The following NBAS variants were observed in gnomAD, a reference collection of about 807,000 sequenced individuals.
NBAS encodes NAG/BC035112 fusion.
NBAS carries 219 observed loss-of-function variants against 302.5 expected under a neutral mutation model. The observed-to-expected ratio is 0.72, with a 90% CI of 0.65 to 0.81. NBAS has a LOEUF of 0.81. Among genes scored for constraint, NBAS ranks in the 30% least tolerant of loss-of-function variants. NBAS has a pLI of 0.00. For missense variants in NBAS, 2,932 were observed against 2,841.6 expected, an observed-to-expected ratio of 1.03 and a Z score of -0.72; for synonymous variants, 1,118 against 1,021.6, an observed-to-expected ratio of 1.09 and a Z score of -1.80.
intron 36 of NBAS, 148 bp from the exon 37 acceptor site, chr2:15,328,460 A>G: frequency 1.4e-6 from 1 of 698,366 alleles, no homozygotes; most frequent in Non-Finnish European, 2.5e-6. Flanking sequence ...ATTTCCCACG[A>G]CCTAAAAAGA....
At chr2:14,984,213 A>G in the NBAS span, among the ~76,000 whole-genome samples, 34 of 152,074 alleles carry the variant, frequency 2.2e-4, 1 homozygote, top group Admixed American at 2.2e-3. Flanking sequence ...TCTTTTCTCT[A>G]GTTTCATCCT....
chr2:14,979,121 T>G, the NBAS span, among the ~76,000 whole-genome samples: 1 of 152,224 alleles, frequency 6.6e-6, no homozygotes, highest in Non-Finnish European at 1.5e-5. Flanking sequence ...ATTTCATTTT[T>G]GCTTATAAAA....
At chr2:15,120,008 C>T in the NBAS span, among the ~76,000 whole-genome samples, 4 of 152,132 alleles carry the variant, frequency 2.6e-5, no homozygotes, top group Non-Finnish European at 4.4e-5. Flanking sequence ...ACCAGTGACC[C>T]CGGCAGGTGG....
chr2:15,553,871 C>CCT (rs1295299264), intron 4 of NBAS, among the ~76,000 whole-genome samples, 190 bp downstream of exon 4: 1 of 33,744 alleles, frequency 3.0e-5, no homozygotes, highest in South Asian at 9.0e-4. Flanking sequence ...TCCCTCTCTC[C>CCT]CTCTCTCTCT....
chr2:15,011,068 T>C, the NBAS span, among the ~76,000 whole-genome samples: 700 of 152,354 alleles, frequency 4.6e-3, 8 homozygotes, highest in African/African-American at 0.016. Context: ...GTCATCCAAT[T>C]GTTGCGGTAT....
the NBAS span, among the ~76,000 whole-genome samples, chr2:15,156,086 CA>C: frequency 6.6e-6 from 1 of 152,244 alleles, no homozygotes; most frequent in South Asian, 2.1e-4. Flanking sequence ...ATTTCCTGCC[CA>C]AAAAATGTTG....
intron 21 of NBAS, among the ~76,000 whole-genome samples, chr2:15,438,673 C>A (rs1299740358): frequency 1.3e-5 from 2 of 152,206 alleles, no homozygotes; most frequent in African/African-American, 2.4e-5. Context: ...CAGAGCCTGG[C>A]AGGCCTTCTG....
chr2:15,075,286 G>A, the NBAS span, among the ~76,000 whole-genome samples: 1 of 152,184 alleles, frequency 6.6e-6, no homozygotes, highest in Non-Finnish European at 1.5e-5. Flanking sequence ...ATGTGCTGCA[G>A]ATCCATTCTC....
chr2:15,256,394 T>A (rs1255389536), intron 44 of NBAS, among the ~76,000 whole-genome samples: 3 of 152,208 alleles, frequency 2.0e-5, no homozygotes, highest in African/African-American at 7.2e-5. Context: ...GCCACTGATT[T>A]GTGTACACTG....
the NBAS span, among the ~76,000 whole-genome samples, chr2:15,150,832 A>G: frequency 6.6e-6 from 1 of 152,226 alleles, no homozygotes; most frequent in Non-Finnish European, 1.5e-5. Flanking sequence ...AATTTCACTG[A>G]TAGTCCAACC....
At chr2:14,897,682 C>T in the NBAS span, among the ~76,000 whole-genome samples, 1 of 151,810 alleles carries the variant, frequency 6.6e-6, no homozygotes, top group African/African-American at 2.4e-5. Flanking sequence ...CTCAGCACAT[C>T]AGCTCCTCTT....
chr2:15,183,023 C>A (rs1201067969), intron 50 of NBAS, among the ~76,000 whole-genome samples: 1 of 151,498 alleles, frequency 6.6e-6, no homozygotes, highest in African/African-American at 2.4e-5. Flanking sequence ...TCATGGAGTA[C>A]GACAACCAAA....
chr2:15,232,538 A>G, intron 46 of NBAS, 27 bp from the exon 47 acceptor site: 1 of 1,598,820 alleles, frequency 6.3e-7, no homozygotes, highest in Non-Finnish European at 8.6e-7. Context: ...AAACTGATTC[A>G]GAAAAGGATC....
At chr2:15,535,460 T>C (rs1004946571) in intron 8 of NBAS, among the ~76,000 whole-genome samples, 2 of 151,304 alleles carry the variant, frequency 1.3e-5, no homozygotes, top group African/African-American at 4.9e-5. Context: ...AGGCAGAGCT[T>C]GCAGTGAGCC....
chr2:15,372,462 C>G (rs559688582), intron 31 of NBAS, among the ~76,000 whole-genome samples: 1 of 152,128 alleles, frequency 6.6e-6, no homozygotes, highest in East Asian at 1.9e-4. Flanking sequence ...AAATGAACTA[C>G]GTACACTGAC....
At chr2:14,951,760 C>T in the NBAS span, among the ~76,000 whole-genome samples, 12 of 152,280 alleles carry the variant, frequency 7.9e-5, no homozygotes, top group African/African-American at 2.6e-4. Flanking sequence ...GTAGTTCTTA[C>T]TCATCCCAGG....
At chr2:14,821,950 T>C in the NBAS span, among the ~76,000 whole-genome samples, 1 of 151,938 alleles carries the variant, frequency 6.6e-6, no homozygotes, top group Non-Finnish European at 1.5e-5. Context: ...AGAGAATCGC[T>C]TGAACTCGGG....
chr2:15,176,577 T>C (rs957473403), intron 51 of NBAS, among the ~76,000 whole-genome samples: 1 of 152,216 alleles, frequency 6.6e-6, no homozygotes, highest in Non-Finnish European at 1.5e-5. Context: ...CAGGTAAGTA[T>C]CCCTTATCCA....
At chr2:15,199,896 ATTTTT>A (rs35760010) in intron 48 of NBAS, among the ~76,000 whole-genome samples, 4 of 121,448 alleles carry the variant, frequency 3.3e-5, no homozygotes, top group African/African-American at 6.4e-5. Flanking sequence ...AGAAAGCTGG[ATTTTT>A]TTTTTTTTTT....
Sources: allele counts gnomAD v4.1 joint callset (sites outside exome capture counted in the v4.1 genomes callset), GRCh38; gene constraint gnomAD v4.1.1; transcripts MANE v1.5; gene names NCBI Gene and HGNC (gene_info 2026-07-23, HGNC 2026-07-21).